Variants in MGA observed in about 807,000 individuals in gnomAD.
MGA encodes MAX dimerization protein MGA.
In MGA, 40 loss-of-function variants were observed where a neutral mutation model predicts 261.1. The observed-to-expected ratio is 0.15, with a 90% confidence interval of 0.12 to 0.20. MGA has a LOEUF of 0.20. MGA is among the 10% of genes least tolerant of loss of function. MGA has a pLI of 1.00. For synonymous variants in MGA, 1,302 were observed against 1,290.6 expected (o/e 1.01, Z -0.19); for missense variants, 3,397 against 3,630.5 (o/e 0.94, Z 1.65).
chr15:41,704,734 T>G (rs116670180), intron 5 of MGA, among the ~76,000 whole-genome samples: 2,123 of 152,350 alleles, frequency 0.014, 55 homozygotes, highest in African/African-American at 0.048. Context: ...ATTCTGTGTT[T>G]ACTACTTATA....
chr15:41,661,916 G>A (rs748084019), intron 1 of MGA, among the ~76,000 whole-genome samples: 26 of 152,136 alleles, frequency 1.7e-4, no homozygotes, highest in Non-Finnish European at 3.1e-4. Flanking sequence ...TCCGGCCGGC[G>A]GCACGTGATC....
intron 3 of MGA, among the ~76,000 whole-genome samples, chr15:41,697,694 G>T (rs968599161): frequency 1.3e-5 from 2 of 152,062 alleles, no homozygotes; most frequent in Non-Finnish European, 2.9e-5. Flanking sequence ...GGGATTACAT[G>T]CATGAGCCAC....
chr15:41,730,880 T>A (rs898999678), intron 11 of MGA, among the ~76,000 whole-genome samples: 1 of 152,174 alleles, frequency 6.6e-6, no homozygotes, highest in African/African-American at 2.4e-5. Flanking sequence ...TCTGTAATAT[T>A]CCAATGCTGT....
At chr15:41,622,533 C>T (rs1369649244) in intron 1 of MGA, among the ~76,000 whole-genome samples, 2 of 152,034 alleles carry the variant, frequency 1.3e-5, no homozygotes, top group East Asian at 3.8e-4. Context: ...TATAGGGGCC[C>T]ACGACCTCAT....
chr15:41,712,686 A>G (rs2060448594), intron 8 of MGA, among the ~76,000 whole-genome samples: 1 of 152,172 alleles, frequency 6.6e-6, no homozygotes, highest in Non-Finnish European at 1.5e-5. Flanking sequence ...TTACCCTACA[A>G]TAGGGACCAG....
chr15:41,653,181 A>G (rs1236390138), intron 1 of MGA, among the ~76,000 whole-genome samples: 1 of 152,142 alleles, frequency 6.6e-6, no homozygotes, highest in Non-Finnish European at 1.5e-5. Context: ...AGCCTGGCCA[A>G]GATGGCTAAA....
Position 41,727,546 on chromosome 15 carries a change from T to C in MGA, c.3657+140T>C, listed in dbSNP as rs1018406108. ...GTTTATAAGATATCTTCCTTTCTGG[T>C]TTAATCAGTTTAGTGCTGGCACTTT... On this transcript the variant is annotated intron_variant, in intron 10 of 23. Coordinates refer to ENST00000219905, the MANE Select transcript of MGA (RefSeq NM_001164273.2). 14 of 773,496 alleles carry C rather than the reference T, an allele frequency of 1.8e-5. No individual in the cohort carries two copies. The African/African-American group carries it at 2.4e-4, about 13-fold the overall frequency. 47.9% of individuals were successfully genotyped at this position (773,496 alleles called of 1,614,324 possible).
In MGA at chr15:41,711,361, C is replaced by T. The variant is rs2060374031; in HGVS notation, c.3084+12C>T. On this transcript the variant is annotated intron_variant, in intron 8 of 23. Coordinates refer to ENST00000219905, the MANE Select transcript of MGA (RefSeq NM_001164273.2). ...TACTTACAGCTCAAGTAAGTAGCTGCTGTTTTCTGGAGGTATATTAGTGCT... is the reference window on the plus strand; with the variant it reads ...TACTTACAGCTCAAGTAAGTAGCTGTTGTTTTCTGGAGGTATATTAGTGCT... 1.9e-6 allele frequency: 3 copies of T among 1,575,516 alleles called. No homozygotes were observed. Among genetic ancestry groups the T allele is most frequent in the Middle Eastern group, 1.7e-4 (1 of 5,820 alleles).
chr15:41,621,807 G>A (rs942170397), intron 1 of MGA, among the ~76,000 whole-genome samples: 1 of 152,156 alleles, frequency 6.6e-6, no homozygotes. Context: ...GGGGTGCGAC[G>A]TGTTCACTGA....
intron 2 of MGA, among the ~76,000 whole-genome samples, chr15:41,688,369 C>T (rs1566977790): frequency 6.6e-6 from 1 of 152,186 alleles, no homozygotes; most frequent in Non-Finnish European, 1.5e-5. Context: ...CGTGCCCAGC[C>T]TAAAACTCCT....
At chr15:41,624,148 T>C (rs148602908) in intron 1 of MGA, among the ~76,000 whole-genome samples, 60 of 151,918 alleles carry the variant, frequency 3.9e-4, no homozygotes, top group Middle Eastern at 3.4e-3. Context: ...TACTGCAACC[T>C]CTGCTTCTTG....
At chr15:41,666,263 G>C (rs891345450) in intron 1 of MGA, among the ~76,000 whole-genome samples, 1 of 152,064 alleles carries the variant, frequency 6.6e-6, no homozygotes. Context: ...AGTGTAAAAG[G>C]GTATCTTTTC....
intron 9 of MGA, chr15:41,718,428 T>G: frequency 7.9e-7 from 1 of 1,273,366 alleles, no homozygotes; most frequent in Non-Finnish European, 1.1e-6. Flanking sequence ...AGATCGCAGG[T>G]AGCCCTGGAG....
intron 5 of MGA, among the ~76,000 whole-genome samples, chr15:41,699,662 T>G (rs1434011914): frequency 6.6e-6 from 1 of 151,726 alleles, no homozygotes; most frequent in African/African-American, 2.4e-5. Context: ...CCACCGCGCC[T>G]GGCTAATTTT....
intron 5 of MGA, 99 bp downstream of exon 5, chr15:41,699,258 GT>G: frequency 1.3e-6 from 1 of 763,184 alleles, no homozygotes; most frequent in African/African-American, 1.9e-5. Context: ...CTTTTTTTCT[GT>G]TTTTTCCTCT....
chr15:41,643,858 A>G (rs553319917), intron 1 of MGA, among the ~76,000 whole-genome samples: 1 of 150,988 alleles, frequency 6.6e-6, no homozygotes, highest in Non-Finnish European at 1.5e-5. Flanking sequence ...ATGAGCCATC[A>G]TGCCCAGCCT....
At chr15:41,711,385 C>A in intron 8 of MGA, 36 bp downstream of exon 8, 2 of 1,537,078 alleles carry the variant, frequency 1.3e-6, no homozygotes, top group Non-Finnish European at 1.7e-6. Context: ...TATATTAGTG[C>A]TTGGCTAGAA....
chr15:41,766,468 A>T lies in MGA; in HGVS notation c.8386A>T (p.Thr2796Ser). 1 of 1,614,022 alleles carries T rather than the reference A, an allele frequency of 6.2e-7. No individual in the cohort carries two copies. The highest frequency in any genetic ancestry group is 8.5e-7 in the Non-Finnish European group (1 of 1,179,896). Residue 2796 changes from threonine (T) to serine (S), a missense_variant, in exon 24 of 24, where the codon ACA becomes TCA. This residue lies in a region of MGA where 647 missense variants were observed against 642.4 expected (regional missense o/e 1.01). Transcript: ENST00000219905. Reference sequence around the variant, plus strand: ...CATAGAGATGGAACTGAGGAAAGTAACATCAGCTATAGAGGAAGCAGCTCT... The same window carrying T: ...CATAGAGATGGAACTGAGGAAAGTATCATCAGCTATAGAGGAAGCAGCTCT...
At chr15:41,741,416 G>C (rs1379085550) in intron 14 of MGA, among the ~76,000 whole-genome samples, 1 of 151,856 alleles carries the variant, frequency 6.6e-6, no homozygotes, top group East Asian at 1.9e-4. Flanking sequence ...TGATTAAGGG[G>C]AGTAAAAAAA....
Sources: gnomAD v4.1 joint callset for allele counts (sites outside exome capture counted in the v4.1 genomes callset) on GRCh38, gnomAD v4.1.1 for gene constraint, gnomAD v4.1.1 regional missense constraint, MANE v1.5 for transcripts, NCBI Gene and HGNC (gene_info 2026-07-23, HGNC 2026-07-21) for gene names.